LETMD1: variants seen among roughly 807,000 people sequenced by gnomAD.
LETMD1 encodes the protein LETM1 domain containing 1, also known as LETM1 domain-containing protein 1.
A neutral mutation model predicts 43.9 loss-of-function variants in LETMD1; 30 were observed. The ratio of observed to expected loss-of-function variants is 0.68; its 90% CI spans 0.51 to 0.93. LETMD1 has a LOEUF of 0.93. Among genes scored for constraint, LETMD1 ranks in the 40% least tolerant of loss-of-function variants. The pLI, the probability that LETMD1 is intolerant of heterozygous loss-of-function variation, is 0.00. For synonymous variants in LETMD1, 176 were observed against 163.1 expected (o/e 1.08, Z -0.60); for missense variants, 413 against 447.7 (o/e 0.92, Z 0.70).
At chr12:51,065,630 T>G in the LETMD1 span, among the ~76,000 whole-genome samples, 1 of 151,980 alleles carries the variant, frequency 6.6e-6, no homozygotes, top group Non-Finnish European at 1.5e-5. Context: ...GCCCTAATTT[T>G]AAAATTTTTT....
chr12:51,067,979 G>A, the LETMD1 span: 1 of 1,611,040 alleles, frequency 6.2e-7, no homozygotes, highest in South Asian at 1.1e-5. The surrounding 1 kb of genome is among the most constrained non-coding windows in gnomAD (Gnocchi z 4.1). Flanking sequence ...GCTGCCAAGA[G>A]ACAGGAAAGG....
At chr12:51,057,082 T>G (rs913547565) in intron 7 of LETMD1, 1 of 152,418 alleles carries the variant, frequency 6.6e-6, no homozygotes, top group Admixed American at 6.6e-5. Flanking sequence ...TAAAAATTAT[T>G]TTTTAATTAG....
rs1235904496 is a variant in LETMD1, at chr12:51,055,856, AC to A, written c.496del (p.Leu166Ter). ...TCAGGTACCTGTTTCCCAGGCAACT[AC>A]TGATCAGGCATTTCTGGACCCCAAA... ...LLMYLFPRQLLIRHFWTPKQQ... is the reference protein window; with the variant it reads ...LLMYLFPRQLXIRHFWTPKQQ... On this transcript the variant is annotated frameshift_variant, in exon 5 of 9. Transcript: ENST00000262055. LOFTEE classifies it high-confidence loss of function. 6.2e-7 allele frequency: 1 copy of A among 1,611,010 alleles called. No individual in the cohort carries two copies. The highest frequency in any genetic ancestry group is 1.3e-5 in the African/African-American group (1 of 74,736).
chr12:51,062,547 T>A (rs886638113), downstream of LETMD1: 20 of 152,298 alleles, frequency 1.3e-4, no homozygotes, highest in Admixed American at 1.0e-3. Context: ...AGAACTTGAA[T>A]CCTTTGGAAT....
Position 51,049,112 on chromosome 12 carries a change from T to G in LETMD1, c.201T>G (p.Ile67Met), listed in dbSNP as rs1566081869. 6.2e-7 allele frequency: 1 copy of G among 1,613,974 alleles called. No homozygotes were observed. The stretch of plus-strand genomic sequence containing the variant: ...ATGTGGTAACCAAGACAAAAGCGAT[T>G]AATGGGAAATACCATCGTTTCTTGG... ...MSYVVTKTKA[I>M]NGKYHRFLGR... is the part of the protein sequence containing the mutation. The change falls in exon 2 of 9, where the codon ATT (isoleucine) becomes ATG (methionine). Residue 67 changes from isoleucine to methionine, a missense_variant. Transcript: ENST00000262055.
Position 51,049,394 on chromosome 12 carries a change from A to T in LETMD1, c.274+209A>T, listed in dbSNP as rs546369174. 12 of 512,382 alleles carry T rather than the reference A, an allele frequency of 2.3e-5. No individual in the cohort carries two copies. The East Asian group carries it at 3.2e-4, about 14-fold the overall frequency. The allele number at this position is 512,382 out of a possible 1,614,324, so 31.7% of individuals were successfully genotyped here. Reference sequence around the variant, plus strand: ...AAGATGTTATGAGAAACAACTTATGACAGCAACATGAGGGAGGGAGAATAT... The same window carrying T: ...AAGATGTTATGAGAAACAACTTATGTCAGCAACATGAGGGAGGGAGAATAT... On this transcript the variant is annotated intron_variant, in intron 2 of 8. Transcript: ENST00000262055.
At chr12:51,060,423 GACTTATGCAT>G (rs1319560333) in exon 9 of LETMD1, 1 of 152,192 alleles carries the variant, frequency 6.6e-6, no homozygotes, top group East Asian at 1.9e-4. Flanking sequence ...TGATGGAAAT[GACTTATGCAT>G]ACTCTAATCA....
At chr12:51,052,412 C>T (rs1946422604) in intron 3 of LETMD1, 7 of 523,966 alleles carry the variant, frequency 1.3e-5, no homozygotes, top group Non-Finnish European at 2.3e-5. Context: ...ATAGCAAGAG[C>T]TCCATAGAAT....
chr12:51,068,855 T>C, the LETMD1 span, among the ~76,000 whole-genome samples: 25 of 152,252 alleles, frequency 1.6e-4, no homozygotes, highest in East Asian at 4.2e-3. Flanking sequence ...ATCCCCACAG[T>C]GTGAACAATT....
At chr12:51,061,354 T>G (rs911519497), downstream of LETMD1, 8 of 152,748 alleles carry the variant, frequency 5.2e-5, no homozygotes, top group African/African-American at 1.9e-4. Context: ...GTGTACAGTA[T>G]GTGAGAAAGG....
intron 1 of LETMD1, 169 bp downstream of exon 1, chr12:51,048,647 T>G: frequency 1.3e-6 from 1 of 796,058 alleles, no homozygotes; most frequent in East Asian, 2.7e-5. Flanking sequence ...CCCGGCTTCC[T>G]GACCCTCTGT....
At chr12:51,064,218 G>C, downstream of LETMD1, 1 of 1,613,828 alleles carries the variant, frequency 6.2e-7, no homozygotes, top group Non-Finnish European at 8.5e-7. Flanking sequence ...AGAGGAGCCT[G>C]GGGGCAGCTG....
intron 2 of LETMD1, among the ~76,000 whole-genome samples, chr12:51,050,256 C>G (rs12427345): frequency 0.44 from 65,070 of 149,576 alleles, 15,861 homozygotes; most frequent in Non-Finnish European, 0.57. Flanking sequence ...TGAGTCTCAC[C>G]GTGTCGCCCA....
the LETMD1 span, among the ~76,000 whole-genome samples, chr12:51,066,247 G>A: frequency 6.6e-6 from 1 of 152,116 alleles, no homozygotes; most frequent in Non-Finnish European, 1.5e-5. Flanking sequence ...GAGGTCAAGA[G>A]ATCGAGACCA....
chr12:51,058,377 G>C, intron 8 of LETMD1: 1 of 501,506 alleles, frequency 2.0e-6, no homozygotes, highest in Non-Finnish European at 3.6e-6. Context: ...TTCCAACCTT[G>C]GCACTTCCTT....
chr12:51,067,980 A>C, the LETMD1 span: 4 of 1,610,976 alleles, frequency 2.5e-6, no homozygotes, highest in Non-Finnish European at 3.4e-6. This position sits in a 1 kb window ranked among gnomAD's most constrained non-coding sequence, Gnocchi z 4.1. Context: ...CTGCCAAGAG[A>C]CAGGAAAGGT....
In LETMD1 at chr12:51,049,820, CAT is replaced by C. The variant is rs780200945; in HGVS notation, c.274+636_274+637del. ...AGTAATGGAACCTACCTATTTATCA[CAT>C]GATTGTGAAGACTTTAAAAATTGAT... is the stretch of plus-strand genomic sequence containing the variant. On this transcript the variant is annotated intron_variant, in intron 2 of 8. Coordinates refer to ENST00000262055, the MANE Select transcript of LETMD1 (RefSeq NM_015416.5). 7.7e-4 allele frequency among the ~76,000 whole-genome samples: 117 copies of C among 152,188 alleles called. 1 individual carries two copies. Among genetic ancestry groups the C allele is most frequent in the Non-Finnish European group, 1.3e-3 (88 of 68,038 alleles).
downstream of LETMD1, among the ~76,000 whole-genome samples, chr12:51,064,913 T>C (rs192573367): frequency 2.0e-5 from 3 of 152,322 alleles, no homozygotes; most frequent in Non-Finnish European, 4.4e-5. Flanking sequence ...GAATCATTTA[T>C]CTCTCTAGGG....
downstream of LETMD1, chr12:51,062,946 T>C (rs1026579501): frequency 1.3e-5 from 2 of 152,400 alleles, no homozygotes; most frequent in Non-Finnish European, 2.9e-5. Flanking sequence ...GAAAGCTGCC[T>C]GACAGTGCTA....
Sources: gnomAD v4.1 joint callset for allele counts (sites outside exome capture counted in the v4.1 genomes callset) on GRCh38, gnomAD v4.1.1 for gene constraint, Gnocchi (gnomAD v3.1) non-coding constraint, MANE v1.5 for transcripts, NCBI Gene and HGNC (gene_info 2026-07-23, HGNC 2026-07-21) for gene names.